Variants in TRHDE observed in about 807,000 individuals in gnomAD.
TRHDE encodes the protein thyrotropin-releasing hormone-degrading ectoenzyme.
A neutral mutation model predicts 125.7 loss-of-function variants in TRHDE; 72 were observed. That is an observed-to-expected ratio of 0.57 (90% confidence interval 0.47 to 0.70). The LOEUF (loss-of-function observed/expected upper bound fraction) is 0.70, where lower values mean the gene tolerates loss of function less well. TRHDE is among the 30% of genes least tolerant of loss of function. TRHDE has a pLI of 0.00. For synonymous variants in TRHDE, 509 were observed against 509.1 expected (o/e 1.00, Z 0.00); for missense variants, 1,110 against 1,327.1 (o/e 0.84, Z 2.54).
At chr12:72,321,936 A>G (rs1224286258) in intron 2 of TRHDE, among the ~76,000 whole-genome samples, 2 of 152,110 alleles carry the variant, frequency 1.3e-5, no homozygotes, top group African/African-American at 2.4e-5. Flanking sequence ...CATCAAAGGA[A>G]CTGTTGACTG....
At chr12:72,375,091 T>C (rs988281862) in intron 2 of TRHDE, among the ~76,000 whole-genome samples, 1 of 152,174 alleles carries the variant, frequency 6.6e-6, no homozygotes, top group African/African-American at 2.4e-5. Flanking sequence ...AGGTTAAATG[T>C]GAAGAGCTTA....
rs567362441 is a variant in TRHDE, at chr12:72,513,702, T to A, written c.1722+14067T>A. Among the ~76,000 whole-genome samples, 3 of 152,226 alleles carry A rather than the reference T, an allele frequency of 2.0e-5. No individual in the cohort carries two copies. In the East Asian group the frequency reaches 5.8e-4, roughly 29 times the overall value. ...CTGTTACCTTGAAGACACAGAGATT[T>A]TTTTTTAAAAGTACAAAATCTGGCT... is the stretch of plus-strand genomic sequence containing the variant. On this transcript the variant is annotated intron_variant, in intron 6 of 18. Coordinates refer to ENST00000261180, the MANE Select transcript of TRHDE (RefSeq NM_013381.3).
chr12:72,323,846 G>A (rs1264265609), intron 2 of TRHDE, among the ~76,000 whole-genome samples: 1 of 152,066 alleles, frequency 6.6e-6, no homozygotes, highest in African/African-American at 2.4e-5. Flanking sequence ...GAGAGGGAGA[G>A]AGAGAAAGAG....
intron 3 of TRHDE, among the ~76,000 whole-genome samples, chr12:72,408,141 C>G (rs1246965348): frequency 6.6e-6 from 1 of 152,178 alleles, no homozygotes; most frequent in Non-Finnish European, 1.5e-5. Context: ...AAGAAACCTA[C>G]TTGCATGATA....
At chr12:72,314,822 G>T (rs1868720979) in intron 2 of TRHDE, among the ~76,000 whole-genome samples, 1 of 152,088 alleles carries the variant, frequency 6.6e-6, no homozygotes, top group African/African-American at 2.4e-5. Context: ...TAGCTTCCCT[G>T]ATTAAATGTT....
At position 72,664,376 on chromosome 12, in the gene TRHDE, A is replaced by G. The variant is rs1875036525; in HGVS notation, c.*1181A>G. The G allele has an allele frequency of 6.6e-6, 1 of 152,522 alleles. No individual in the cohort carries two copies. Among genetic ancestry groups the G allele is most frequent in the Non-Finnish European group, 1.5e-5 (1 of 68,012 alleles). 9.4% of individuals were successfully genotyped at this position (152,522 alleles called of 1,614,324 possible). A position where few individuals can be genotyped will look rare whatever the true frequency, so the allele number is the denominator to read the frequency against. Reference sequence around the variant, plus strand: ...TCCTCCATTAAGCGAGCATACCTCAAGTGGGTCTATTAGCATTTAATGACC... The same window carrying G: ...TCCTCCATTAAGCGAGCATACCTCAGGTGGGTCTATTAGCATTTAATGACC... On this transcript the variant is annotated 3_prime_UTR_variant, in exon 19 of 19. Coordinates refer to ENST00000261180, the MANE Select transcript of TRHDE (RefSeq NM_013381.3).
chr12:72,616,074 G>A (rs535362637), intron 12 of TRHDE, among the ~76,000 whole-genome samples: 2 of 152,218 alleles, frequency 1.3e-5, no homozygotes, highest in Admixed American at 6.5e-5. Flanking sequence ...CATGGATTTT[G>A]GTGAGCAGTT....
chr12:72,283,905 A>G (rs982749165), intron 1 of TRHDE, among the ~76,000 whole-genome samples: 8 of 151,686 alleles, frequency 5.3e-5, no homozygotes, highest in African/African-American at 4.8e-5. Flanking sequence ...ATACATATAT[A>G]TATATATTTC....
intron 2 of TRHDE, among the ~76,000 whole-genome samples, chr12:72,156,805 C>T (rs746455158): frequency 1.3e-5 from 2 of 152,174 alleles, no homozygotes; most frequent in Admixed American, 1.3e-4. Context: ...TTGTCTCATA[C>T]CAACCATATT....
intron 12 of TRHDE, among the ~76,000 whole-genome samples, chr12:72,600,383 A>G (rs1391800303): frequency 6.6e-6 from 1 of 152,138 alleles, no homozygotes; most frequent in Non-Finnish European, 1.5e-5. Context: ...CTTCCAATGC[A>G]TGAACATGGA....
chr12:72,364,455 C>T (rs1296831783), intron 2 of TRHDE, among the ~76,000 whole-genome samples: 1 of 151,954 alleles, frequency 6.6e-6, no homozygotes, highest in Non-Finnish European at 1.5e-5. Context: ...CTGGCTATTA[C>T]CTGTCTTTCC....
chr12:72,258,761 A>G (rs559515817), intron 2 of TRHDE, among the ~76,000 whole-genome samples: 1 of 152,262 alleles, frequency 6.6e-6, no homozygotes, highest in Non-Finnish European at 1.5e-5. Context: ...GAGTTCTGCA[A>G]TCTCTACTTG....
At chr12:72,131,065 A>ATTTT (rs757285511) in intron 2 of TRHDE, among the ~76,000 whole-genome samples, 29 of 105,456 alleles carry the variant, frequency 2.7e-4, no homozygotes, top group Non-Finnish European at 3.5e-4. Context: ...ACTTAATGTA[A>ATTTT]TTTTTTTTTT....
intron 3 of TRHDE, among the ~76,000 whole-genome samples, chr12:72,441,363 C>T (rs987434177): frequency 6.6e-6 from 1 of 151,818 alleles, no homozygotes; most frequent in African/African-American, 2.4e-5. Context: ...AATAACTTTT[C>T]AGTTTTCCCT....
At chr12:72,615,486 C>T (rs556026312) in intron 12 of TRHDE, among the ~76,000 whole-genome samples, 2 of 152,206 alleles carry the variant, frequency 1.3e-5, no homozygotes, top group East Asian at 3.9e-4. Context: ...TACACAAACA[C>T]ACATCTGAGC....
intron 6 of TRHDE, among the ~76,000 whole-genome samples, chr12:72,527,668 C>T (rs563395495): frequency 6.6e-5 from 10 of 150,590 alleles, no homozygotes; most frequent in Middle Eastern, 3.5e-3. Flanking sequence ...ATATTATTTT[C>T]GTAAGAATCA....
At chr12:72,657,627 A>G (rs912288177) in intron 18 of TRHDE, among the ~76,000 whole-genome samples, 2 of 152,182 alleles carry the variant, frequency 1.3e-5, no homozygotes, top group Non-Finnish European at 2.9e-5. Context: ...ACTGGTGTCC[A>G]GGTTATGGAG....
At chr12:72,093,637 G>A (rs537374316) in intron 1 of TRHDE, among the ~76,000 whole-genome samples, 113 of 151,806 alleles carry the variant, frequency 7.4e-4, no homozygotes, top group African/African-American at 2.3e-3. Context: ...CACTTCTGTC[G>A]TTGTGTTCTT....
intron 2 of TRHDE, among the ~76,000 whole-genome samples, chr12:72,107,460 G>A (rs1257816531): frequency 6.6e-6 from 1 of 152,110 alleles, no homozygotes; most frequent in African/African-American, 2.4e-5. Context: ...AGTGAGAGAT[G>A]CCTCTGGGGT....
Sources: gnomAD v4.1 joint callset for allele counts (sites outside exome capture counted in the v4.1 genomes callset) on GRCh38, gnomAD v4.1.1 for gene constraint, MANE v1.5 for transcripts, NCBI Gene and HGNC (gene_info 2026-07-23, HGNC 2026-07-21) for gene names.